NR2F1-AS1: variants seen among roughly 807,000 people sequenced by gnomAD.
NR2F1-AS1 encodes the protein NR2F1 antisense RNA 1.
At chr5:93,506,886 T>C (rs892962002) in intron 4 of NR2F1-AS1, among the ~76,000 whole-genome samples, 3 of 152,136 alleles carry the variant, frequency 2.0e-5, no homozygotes, top group African/African-American at 7.2e-5. Flanking sequence ...CATTTACTAA[T>C]AGAGATGAAA....
intron 4 of NR2F1-AS1, among the ~76,000 whole-genome samples, chr5:93,444,766 C>T (rs971088024): frequency 7.2e-5 from 11 of 152,168 alleles, no homozygotes; most frequent in South Asian, 2.1e-4. Flanking sequence ...AGCACCACAT[C>T]GCACTTATAC....
At chr5:93,572,950 T>TG (rs1256551189) in intron 1 of NR2F1-AS1, among the ~76,000 whole-genome samples, 3 of 152,186 alleles carry the variant, frequency 2.0e-5, no homozygotes. Flanking sequence ...TGGACTAGGC[T>TG]GACCGCGCAG....
intron 4 of NR2F1-AS1, among the ~76,000 whole-genome samples, chr5:93,491,104 G>T (rs1750835562): frequency 6.6e-6 from 1 of 150,888 alleles, no homozygotes; most frequent in Non-Finnish European, 1.5e-5. Context: ...TTGTAGTCAT[G>T]CTGGTGATGA....
At chr5:93,413,334 CAA>C (rs1461584305) in intron 4 of NR2F1-AS1, among the ~76,000 whole-genome samples, 1 of 151,872 alleles carries the variant, frequency 6.6e-6, no homozygotes, top group East Asian at 1.9e-4. Context: ...GGAAAAGACA[CAA>C]AGTGACTGAA....
intron 4 of NR2F1-AS1, among the ~76,000 whole-genome samples, chr5:93,497,942 T>C (rs948794813): frequency 2.0e-5 from 3 of 152,196 alleles, no homozygotes; most frequent in Admixed American, 1.3e-4. Flanking sequence ...CAGCTTTAAA[T>C]AGCACATATA....
At chr5:93,442,230 A>C (rs1299518019) in intron 4 of NR2F1-AS1, among the ~76,000 whole-genome samples, 2 of 152,170 alleles carry the variant, frequency 1.3e-5, no homozygotes, top group Non-Finnish European at 2.9e-5. Flanking sequence ...TGTGAGCTGA[A>C]GCAGGGCGGG....
intron 4 of NR2F1-AS1, among the ~76,000 whole-genome samples, chr5:93,515,715 C>G (rs912049112): frequency 4.6e-5 from 7 of 151,776 alleles, no homozygotes; most frequent in African/African-American, 1.7e-4. Flanking sequence ...AAAATCTTTC[C>G]TGTCTGCAGT....
At chr5:93,550,727 T>C (rs1217849619) in intron 4 of NR2F1-AS1, among the ~76,000 whole-genome samples, 1 of 152,206 alleles carries the variant, frequency 6.6e-6, no homozygotes, top group Non-Finnish European at 1.5e-5. Context: ...GTGCATTTCA[T>C]TTTTTTAAAA....
At chr5:93,426,097 G>GAGTGC (rs1749189829) in intron 4 of NR2F1-AS1, among the ~76,000 whole-genome samples, 1 of 151,666 alleles carries the variant, frequency 6.6e-6, no homozygotes, top group South Asian at 2.1e-4. Context: ...ACCCAGGCTG[G>GAGTGC]AGTGCAGTGG....
intron 4 of NR2F1-AS1, among the ~76,000 whole-genome samples, chr5:93,479,393 T>C (rs573863988): frequency 1.1e-4 from 16 of 152,280 alleles, no homozygotes; most frequent in Middle Eastern, 3.4e-3. Context: ...TTAAGAAAAA[T>C]CTCTGTCAGT....
At chr5:93,570,000 T>C (rs1752713073) in intron 1 of NR2F1-AS1, 2 of 152,214 alleles carry the variant, frequency 1.3e-5, no homozygotes, top group Non-Finnish European at 2.9e-5. Flanking sequence ...TCTCAGTCCC[T>C]GTCTGAAGGA....
upstream of NR2F1-AS1, chr5:93,583,293 C>CT (rs916936784): frequency 3.3e-5 from 5 of 151,134 alleles, no homozygotes; most frequent in East Asian, 1.9e-4. Context: ...CTCTCTCTCT[C>CT]TCTTCTTCTC....
chr5:93,481,535 G>C (rs1750600066), intron 4 of NR2F1-AS1, among the ~76,000 whole-genome samples: 1 of 152,004 alleles, frequency 6.6e-6, no homozygotes, highest in Non-Finnish European at 1.5e-5. Flanking sequence ...TAGACAATTT[G>C]AACAACACTA....
chr5:93,532,241 A>G (rs910287282), intron 4 of NR2F1-AS1, among the ~76,000 whole-genome samples: 1 of 152,156 alleles, frequency 6.6e-6, no homozygotes, highest in Non-Finnish European at 1.5e-5. Context: ...TTTGCAACTA[A>G]TTTTGCAAGA....
At chr5:93,414,747 A>G (rs545042786) in intron 4 of NR2F1-AS1, among the ~76,000 whole-genome samples, 1 of 152,318 alleles carries the variant, frequency 6.6e-6, no homozygotes, top group South Asian at 2.1e-4. Flanking sequence ...AGCAGTTTGC[A>G]TGTACACTTG....
At chr5:93,432,876 CTTATT>C (rs987464895) in intron 4 of NR2F1-AS1, among the ~76,000 whole-genome samples, 11 of 152,242 alleles carry the variant, frequency 7.2e-5, no homozygotes, top group African/African-American at 2.4e-4. Context: ...TTAAGAAAGG[CTTATT>C]TTATAACAGT....
chr5:93,440,271 C>T (rs900326789), intron 4 of NR2F1-AS1, among the ~76,000 whole-genome samples: 13 of 151,838 alleles, frequency 8.6e-5, no homozygotes, highest in African/African-American at 2.9e-4. Context: ...CTTGACTGGG[C>T]CATGGGGTGC....
chr5:93,575,153 T>A (rs1398319878), intron 1 of NR2F1-AS1, among the ~76,000 whole-genome samples: 30 of 152,252 alleles, frequency 2.0e-4, no homozygotes, highest in Non-Finnish European at 8.8e-5. Context: ...AATTTTACAT[T>A]AAAGTGTCCC....
upstream of NR2F1-AS1, chr5:93,585,443 C>T: frequency 4.3e-6 from 7 of 1,614,012 alleles, no homozygotes; most frequent in Non-Finnish European, 5.9e-6. Flanking sequence ...AGTGCCAATA[C>T]TGCCGCCTCA....
Sources: gnomAD v4.1 joint callset for allele counts (sites outside exome capture counted in the v4.1 genomes callset) on GRCh38, gnomAD v4.1.1 for gene constraint, MANE v1.5 for transcripts, NCBI Gene and HGNC (gene_info 2026-07-23, HGNC 2026-07-21) for gene names.